CYP46A1: variants seen among roughly 807,000 people sequenced by gnomAD.
CYP46A1 encodes cholesterol 24-hydroxylase.
Under a neutral mutation model 63.3 loss-of-function variants are expected in CYP46A1, and 20 were observed. That is an observed-to-expected ratio of 0.32 (90% confidence interval 0.22 to 0.46). The LOEUF is 0.46. CYP46A1 is among the 20% of genes least tolerant of loss of function. The pLI is 1.00. For synonymous variants in CYP46A1, 268 were observed against 273.6 expected (o/e 0.98, Z 0.20); for missense variants, 445 against 670.8 (o/e 0.66, Z 3.72).
At chr14:99,721,411 G>A in intron 11 of CYP46A1, 88 bp downstream of exon 11, 2 of 958,124 alleles carry the variant, frequency 2.1e-6, no homozygotes, top group Non-Finnish European at 3.4e-6. Context: ...CAGGACAGTG[G>A]TTCTCAAACT....
rs541891015 is a variant in CYP46A1 at position 99,726,335 on chromosome 14, G to A, written c.1332+79G>A. The A allele has an allele frequency of 5.2e-5, 77 of 1,487,906 alleles. 1 individual carries two copies. In the African/African-American group the frequency reaches 5.4e-4, roughly 11 times the overall value. 92.2% of individuals were successfully genotyped at this position (1,487,906 alleles called of 1,614,324 possible). On this transcript the variant is annotated intron_variant, in intron 14 of 14. Coordinates refer to ENST00000261835, the MANE Select transcript of CYP46A1 (RefSeq NM_006668.2). Reference sequence around the variant, plus strand: ...TCATCCTGAGCCGGGAAGCATCTCCGAACCCCTGCTCTGGGGCTGCTGGGC... The same window carrying A: ...TCATCCTGAGCCGGGAAGCATCTCCAAACCCCTGCTCTGGGGCTGCTGGGC...
intron 5 of CYP46A1, among the ~76,000 whole-genome samples, chr14:99,701,710 T>G (rs1426372454): frequency 6.6e-6 from 1 of 152,226 alleles, no homozygotes; most frequent in Non-Finnish European, 1.5e-5. Flanking sequence ...TCAATGGCGT[T>G]GGTATATTCA....
intron 5 of CYP46A1, 139 bp from the exon 6 acceptor site, chr14:99,706,508 T>C: frequency 5.3e-6 from 6 of 1,127,990 alleles, no homozygotes; most frequent in Non-Finnish European, 7.6e-6. Flanking sequence ...AATCTGGGTC[T>C]CAAGGGGAGG....
chr14:99,692,402 G>T (rs545539607), intron 3 of CYP46A1, among the ~76,000 whole-genome samples: 46 of 152,188 alleles, frequency 3.0e-4, no homozygotes, highest in Non-Finnish European at 6.3e-4. Flanking sequence ...AGCTGGGCAT[G>T]GTGGCAGGCA....
Position 99,725,701 on chromosome 14 carries a change from A to G in CYP46A1, c.1265+222A>G, listed in dbSNP as rs1162010307. Among the ~76,000 whole-genome samples the G allele has an allele frequency of 6.6e-6, 1 of 152,232 alleles. No individual in the cohort carries two copies. Among genetic ancestry groups the G allele is most frequent in the African/African-American group, 2.4e-5 (1 of 41,460 alleles). On this transcript the variant is annotated intron_variant, in intron 13 of 14. Transcript: ENST00000261835. The surrounding 1 kb of genome is among the most constrained non-coding windows in gnomAD (Gnocchi z 4.2). Reference sequence around the variant, plus strand: ...CAGTCTGGTTCTAAAGCTCATGCTCATAAGCAGCACCAAATACTGGGAAGC... The same window carrying G: ...CAGTCTGGTTCTAAAGCTCATGCTCGTAAGCAGCACCAAATACTGGGAAGC...
intron 3 of CYP46A1, 75 bp downstream of exon 3, chr14:99,691,936 A>G: frequency 6.9e-7 from 1 of 1,458,896 alleles, no homozygotes; most frequent in Admixed American, 1.7e-5. Context: ...CTGGTCCCAG[A>G]GACTTTGGAT....
chr14:99,706,589 TGGCAGTCCACCATATTGGGCTGGCCAGTG>T (rs2140125166), intron 5 of CYP46A1, 29 bp from the exon 6 acceptor site: 1 of 1,600,780 alleles, frequency 6.2e-7, no homozygotes, highest in African/African-American at 1.3e-5. Flanking sequence ...GGAGGGCACA[TGGCAGTCCACCATATTGGGCTGGCCAGTG>T]GCCGTTGATG....
chr14:99,709,042 A>C (rs1231410076), intron 7 of CYP46A1: 1 of 152,206 alleles, frequency 6.6e-6, no homozygotes, highest in African/African-American at 2.4e-5. Context: ...ACCCAACACT[A>C]TAAATGCCCC....
Position 99,722,629 on chromosome 14 carries a change from T to A in CYP46A1, c.1176+563T>A, listed in dbSNP as rs530810264. Among the ~76,000 whole-genome samples the A allele has an allele frequency of 1.5e-5, 2 of 132,350 alleles. No individual in the cohort carries two copies. Among genetic ancestry groups the A allele is most frequent in the Admixed American group, 7.9e-5 (1 of 12,674 alleles). The allele number at this position is 132,350 out of a possible 152,430, so 86.8% of individuals were successfully genotyped here. ...GACAAGGAATCACTAATCTGAATTG[T>A]GTGTTTGCCATTCCCGTGTGTGTGT... On this transcript the variant is annotated intron_variant, in intron 12 of 14. Transcript: ENST00000261835. This position sits in a 1 kb window ranked among gnomAD's most constrained non-coding sequence, Gnocchi z 4.6.
chr14:99,702,738 T>C (rs57090479), intron 5 of CYP46A1, among the ~76,000 whole-genome samples: 45,769 of 151,954 alleles, frequency 0.3, 7,723 homozygotes, highest in South Asian at 0.39. Flanking sequence ...TAAAAAACCA[T>C]TTAAGAGTTA....
chr14:99,708,474 C>T (rs1566831236), intron 7 of CYP46A1: 1 of 159,108 alleles, frequency 6.3e-6, no homozygotes, highest in Non-Finnish European at 1.4e-5. Context: ...AGGCCTGCCC[C>T]GCTTGCCGAC....
chr14:99,704,684 A>AT (rs35758155), intron 5 of CYP46A1, among the ~76,000 whole-genome samples: 4 of 152,184 alleles, frequency 2.6e-5, no homozygotes, highest in African/African-American at 7.2e-5. Context: ...CTTAAATGAG[A>AT]TTTTTTTAAA....
intron 2 of CYP46A1, 90 bp from the exon 3 acceptor site, chr14:99,691,690 C>G (rs745948162): frequency 8.1e-7 from 1 of 1,237,404 alleles, no homozygotes; most frequent in Non-Finnish European, 1.2e-6. Context: ...CCTTCTGGGA[C>G]GGGAAACATC....
intron 1 of CYP46A1, among the ~76,000 whole-genome samples, chr14:99,687,926 G>A (rs1364054923): frequency 6.6e-6 from 1 of 151,920 alleles, no homozygotes. Flanking sequence ...TAACACCTGG[G>A]TCTTCCTGTT....
In CYP46A1 at chr14:99,707,716, G is replaced by C. The variant is rs771083561; in HGVS notation, c.693+38G>C. The C allele has an allele frequency of 2.5e-6, 4 of 1,578,976 alleles. No homozygotes were observed. The East Asian group carries it at 9.0e-5, about 35-fold the overall frequency. On this transcript the variant is annotated intron_variant, in intron 7 of 14. Coordinates refer to ENST00000261835, the MANE Select transcript of CYP46A1 (RefSeq NM_006668.2). ...CACCCCCTCTGGTGACCAGCCACCA[G>C]AGCTGTTGTCTTCATTTGCTGAAGA...
intron 1 of CYP46A1, among the ~76,000 whole-genome samples, chr14:99,688,478 C>T (rs2056514560): frequency 6.6e-6 from 1 of 152,160 alleles, no homozygotes; most frequent in African/African-American, 2.4e-5. Context: ...CAGCTGCCCA[C>T]CTCCTGCCCC....
chr14:99,722,678 T>TGTGTGTGTGC lies in CYP46A1; in HGVS notation c.1176+613_1176+614insTGTGTGTGCG, dbSNP rs1491237225. The stretch of plus-strand genomic sequence containing the variant: ...GTGTGTGTGTGTGTGTGTGTGTGTG[T>TGTGTGTGTGC]GCCTGTGTGCATTCACGCAGTAATA... On this transcript the variant is annotated intron_variant, in intron 12 of 14. Transcript: ENST00000261835. This position sits in a 1 kb window ranked among gnomAD's most constrained non-coding sequence, Gnocchi z 4.6. Among the ~76,000 whole-genome samples, 1 of 150,138 alleles carries TGTGTGTGTGC rather than the reference T, an allele frequency of 6.7e-6. No individual in the cohort carries two copies. Among genetic ancestry groups the TGTGTGTGTGC allele is most frequent in the South Asian group, 2.1e-4 (1 of 4,770 alleles).
chr14:99,715,092 T>G (rs76068624), intron 7 of CYP46A1, among the ~76,000 whole-genome samples: 2,688 of 152,290 alleles, frequency 0.018, 79 homozygotes, highest in African/African-American at 0.06. Context: ...TAGCACAGTG[T>G]GTGACTATAG....
At chr14:99,705,548 A>G (rs1197413295) in intron 5 of CYP46A1, among the ~76,000 whole-genome samples, 2 of 152,232 alleles carry the variant, frequency 1.3e-5, no homozygotes, top group African/African-American at 4.8e-5. Context: ...TTTGGAAATA[A>G]TTTCAAATTT....
Sources: gnomAD v4.1 joint callset for allele counts (sites outside exome capture counted in the v4.1 genomes callset) on GRCh38, gnomAD v4.1.1 for gene constraint, Gnocchi (gnomAD v3.1) non-coding constraint, MANE v1.5 for transcripts, NCBI Gene and HGNC (gene_info 2026-07-23, HGNC 2026-07-21) for gene names.